The following PSCA variants were observed in gnomAD, a reference collection of about 807,000 sequenced individuals.
The protein encoded by PSCA is prostate stem cell antigen.
Under a neutral mutation model 7.9 loss-of-function variants are expected in PSCA, and 7 were observed. That is an observed-to-expected ratio of 0.89 (90% confidence interval 0.51 to 1.67). The LOEUF is 1.67. Among genes scored for constraint, PSCA ranks in the 40% most tolerant of loss-of-function variants. The pLI is 0.00. For missense variants in PSCA, 151 were observed against 147.9 expected (o/e 1.02, Z -0.11); for synonymous variants, 61 against 68.3 (o/e 0.89, Z 0.53).
At chr8:142,676,606 C>A (rs1563803711), upstream of PSCA, 1 of 152,190 alleles carries the variant, frequency 6.6e-6, no homozygotes, top group Non-Finnish European at 1.5e-5. Flanking sequence ...ACTCAGGGAA[C>A]CTTGGATCTC....
rs1044002193 is a variant in PSCA at position 142,673,218 on chromosome 8, T to C, written n.261+2650T>C. Among the ~76,000 whole-genome samples the C allele has an allele frequency of 6.6e-6, 1 of 152,198 alleles. No individual in the cohort carries two copies. The highest frequency in any genetic ancestry group is 6.5e-5 in the Admixed American group (1 of 15,284). ...TCCTTACCCTCACTATCTGCCTAAATAATTTATTTTTAACTCCTATTTTTA... is the reference window on the plus strand; with the variant it reads ...TCCTTACCCTCACTATCTGCCTAAACAATTTATTTTTAACTCCTATTTTTA... On this transcript the variant is annotated intron_variant and non_coding_transcript_variant, in intron 1 of 1. Coordinates refer to the PSCA transcript ENST00000505305. The surrounding 1 kb of genome is among the most constrained non-coding windows in gnomAD (Gnocchi z 4.6).
rs183045596 is a variant in PSCA at position 142,682,708 on chromosome 8, C to T, written c.*576C>T. On this transcript the variant is annotated 3_prime_UTR_variant, in exon 3 of 3. Transcript: ENST00000301258. ...CAGCACAGCGTAGGCCCTTAATAAA[C>T]ACCTGTTGGATAAGCCAGAGAGACC... The T allele has an allele frequency of 2.9e-3, 879 of 300,496 alleles. 8 individuals carry two copies. Among genetic ancestry groups the T allele is most frequent in the African/African-American group, 0.017 (778 of 46,300 alleles). 18.6% of individuals were successfully genotyped at this position (300,496 alleles called of 1,614,324 possible).
chr8:142,682,597 T>G lies in PSCA; in HGVS notation c.*465T>G. The G allele has an allele frequency of 2.7e-6, 1 of 365,568 alleles. No individual in the cohort carries two copies. Among genetic ancestry groups the G allele is most frequent in the Non-Finnish European group, 5.5e-6 (1 of 181,716 alleles). 22.6% of individuals were successfully genotyped at this position (365,568 alleles called of 1,614,324 possible). ...ACTGGAGGACAGGAGTCGACGTGAG[T>G]TCCTGGGAGTCTCCAGAGATGGGGC... On this transcript the variant is annotated 3_prime_UTR_variant, in exon 3 of 3. Coordinates refer to ENST00000301258, the MANE Select transcript of PSCA (RefSeq NM_005672.5).
At chr8:142,672,732 A>T (rs587653491) in intron 1 of PSCA, among the ~76,000 whole-genome samples, 2 of 152,342 alleles carry the variant, frequency 1.3e-5, no homozygotes, top group East Asian at 3.9e-4. Context: ...AAAGGAGAGA[A>T]GAGAGCAGCC....
At chr8:142,674,220 A>G (rs1554637623) in intron 1 of PSCA, among the ~76,000 whole-genome samples, 2 of 148,942 alleles carry the variant, frequency 1.3e-5, no homozygotes, top group Non-Finnish European at 3.0e-5. Flanking sequence ...CCTAATGAAT[A>G]ACGGCTGGGA....
upstream of PSCA, chr8:142,680,304 G>T: frequency 1.7e-6 from 1 of 579,134 alleles, no homozygotes; most frequent in African/African-American, 1.9e-5. Flanking sequence ...ATGGCCCTGG[G>T]TAGGCTCTGT....
In PSCA at chr8:142,673,720, G is replaced by T. The variant is rs75452069; in HGVS notation, n.261+3152G>T. ...TGGTCCTCCTGTGCACTGAGTTTGC[G>T]TCCAGGTGGGGCCACAGGACCGGCT... On this transcript the variant is annotated intron_variant and non_coding_transcript_variant, in intron 1 of 1. Transcript: ENST00000505305. This position sits in a 1 kb window ranked among gnomAD's most constrained non-coding sequence, Gnocchi z 4.6. Among the ~76,000 whole-genome samples the T allele has an allele frequency of 1.3e-5, 2 of 152,206 alleles. No individual in the cohort carries two copies. The highest frequency in any genetic ancestry group is 4.8e-5 in the African/African-American group (2 of 41,446).
intron 1 of PSCA, chr8:142,680,914 C>A: frequency 2.0e-6 from 1 of 498,804 alleles, no homozygotes; most frequent in Non-Finnish European, 3.6e-6. Flanking sequence ...AAGCCTCAGG[C>A]TAAGAAGTGG....
At chr8:142,680,370 G>C (rs1554638163), upstream of PSCA, 8 of 690,180 alleles carry the variant, frequency 1.2e-5, no homozygotes, top group African/African-American at 1.1e-4. Flanking sequence ...CGCTCAGGGA[G>C]GAGACTCGGA....
Position 142,682,574 on chromosome 8 carries a change from T to C in PSCA, c.*442T>C, listed in dbSNP as rs782121227. On this transcript the variant is annotated 3_prime_UTR_variant, in exon 3 of 3. Coordinates refer to ENST00000301258, the MANE Select transcript of PSCA (RefSeq NM_005672.5). ...TGAGATGAAGTGGACTGAGTAGAACTGGAGGACAGGAGTCGACGTGAGTTC... is the reference window on the plus strand; with the variant it reads ...TGAGATGAAGTGGACTGAGTAGAACCGGAGGACAGGAGTCGACGTGAGTTC... 2.6e-6 allele frequency: 1 copy of C among 390,024 alleles called. No individual in the cohort carries two copies. The highest frequency in any genetic ancestry group is 5.2e-6 in the Non-Finnish European group (1 of 194,138). The allele number at this position is 390,024 out of a possible 1,614,324, so 24.2% of individuals were successfully genotyped here.
chr8:142,681,547 GT>G (rs1445731532), intron 2 of PSCA, 113 bp downstream of exon 2: 9 of 904,882 alleles, frequency 9.9e-6, no homozygotes, highest in Non-Finnish European at 1.6e-5. Context: ...TCCCCGACCC[GT>G]CCCGCACCTG....
chr8:142,681,446 G>C lies in PSCA; in HGVS notation c.133+12G>C. 6.3e-7 allele frequency: 1 copy of C among 1,575,422 alleles called. No individual in the cohort carries two copies. The highest frequency in any genetic ancestry group is 8.6e-7 in the Non-Finnish European group (1 of 1,159,968). ...GACCGCGCGCATCCGTGAGTGGGGGGACGACAGCCGCCAGGCCTAGGTCTC... is the reference window on the plus strand; with the variant it reads ...GACCGCGCGCATCCGTGAGTGGGGGCACGACAGCCGCCAGGCCTAGGTCTC... On this transcript the variant is annotated intron_variant, in intron 2 of 2. Transcript: ENST00000301258.
At chr8:142,675,005 G>A (rs1847382522) in intron 1 of PSCA, among the ~76,000 whole-genome samples, 1 of 152,262 alleles carries the variant, frequency 6.6e-6, no homozygotes, top group Non-Finnish European at 1.5e-5. Flanking sequence ...TCTGCCTGGA[G>A]GTGGGCTTGT....
chr8:142,681,461 GC>G, intron 2 of PSCA, 27 bp downstream of exon 2: 1 of 1,551,438 alleles, frequency 6.4e-7, no homozygotes, highest in Non-Finnish European at 8.8e-7. Flanking sequence ...CAGCCGCCAG[GC>G]CTAGGTCTCT....
At chr8:142,675,389 A>G (rs1847387526) in intron 1 of PSCA, among the ~76,000 whole-genome samples, 1 of 152,156 alleles carries the variant, frequency 6.6e-6, no homozygotes, top group African/African-American at 2.4e-5. Context: ...GAGCCAGGAA[A>G]AGGCACCTCC....
intron 1 of PSCA, among the ~76,000 whole-genome samples, chr8:142,674,137 C>A (rs921594620): frequency 9.4e-5 from 14 of 149,722 alleles, no homozygotes; most frequent in South Asian, 4.4e-4. Context: ...AGCTCAGATC[C>A]CCCATCTTCC....
intron 1 of PSCA, among the ~76,000 whole-genome samples, chr8:142,674,959 G>A (rs782813785): frequency 3.3e-5 from 5 of 152,340 alleles, no homozygotes; most frequent in East Asian, 1.9e-4. Context: ...TGTCCTCTCC[G>A]AAGCCCATGG....
At chr8:142,672,349 A>G (rs1847343040) in intron 1 of PSCA, among the ~76,000 whole-genome samples, 2 of 152,122 alleles carry the variant, frequency 1.3e-5, no homozygotes, top group Non-Finnish European at 2.9e-5. Flanking sequence ...ACAGCTATCA[A>G]CTGCTGCATC....
chr8:142,677,657 G>A (rs1387003565), upstream of PSCA, among the ~76,000 whole-genome samples: 2 of 152,138 alleles, frequency 1.3e-5, no homozygotes, highest in Non-Finnish European at 2.9e-5. Context: ...AGCCACACAC[G>A]GAAGCAGTTC....
Sources: gnomAD v4.1 joint callset for allele counts (sites outside exome capture counted in the v4.1 genomes callset) on GRCh38, gnomAD v4.1.1 for gene constraint, Gnocchi (gnomAD v3.1) non-coding constraint, MANE v1.5 for transcripts, NCBI Gene and HGNC (gene_info 2026-07-23, HGNC 2026-07-21) for gene names.